RAF1: variants seen among roughly 807,000 people sequenced by gnomAD.
RAF1 encodes the protein RAF proto-oncogene serine/threonine-protein kinase.
Under a neutral mutation model 81.1 loss-of-function variants are expected in RAF1, and 27 were observed. The ratio of observed to expected loss-of-function variants is 0.33; its 90% CI spans 0.25 to 0.46. The LOEUF (loss-of-function observed/expected upper bound fraction) is 0.46, where lower values mean the gene tolerates loss of function less well. RAF1 is among the 20% of genes least tolerant of loss of function. The probability of loss-of-function intolerance (pLI) is 1.00; values close to 1 mark genes in which losing one functional copy is unlikely to be tolerated. For missense variants in RAF1, 598 were observed against 826.0 expected, an observed-to-expected ratio of 0.72 and a Z score of 3.38; for synonymous variants, 298 against 294.0, an observed-to-expected ratio of 1.01 and a Z score of -0.14.
intron 1 of RAF1, among the ~76,000 whole-genome samples, chr3:12,650,839 A>G (rs9809226): frequency 1 from 152,286 of 152,318 alleles, 76,127 homozygotes; most frequent in Middle Eastern, 1. Context: ...CTTAAGAAAC[A>G]TACTATAAGA....
chr3:12,631,083 G>A (rs2059845639), intron 1 of RAF1, among the ~76,000 whole-genome samples: 1 of 152,116 alleles, frequency 6.6e-6, no homozygotes, highest in African/African-American at 2.4e-5. Context: ...ACTTTGAGAG[G>A]TCAAGGTGGG....
At chr3:12,638,583 TCA>T (rs1307647461) in intron 1 of RAF1, among the ~76,000 whole-genome samples, 1 of 152,248 alleles carries the variant, frequency 6.6e-6, no homozygotes, top group African/African-American at 2.4e-5. Flanking sequence ...GGCATTCCCT[TCA>T]CAGTTGTTTT....
chr3:12,652,305 A>C (rs1460185230), intron 1 of RAF1, among the ~76,000 whole-genome samples: 1 of 151,382 alleles, frequency 6.6e-6, no homozygotes, highest in African/African-American at 2.4e-5. Context: ...GGCGGATCAT[A>C]AGGTCAGGAG....
chr3:12,648,162 C>G (rs1258549988), intron 1 of RAF1, among the ~76,000 whole-genome samples: 1 of 151,830 alleles, frequency 6.6e-6, no homozygotes, highest in Non-Finnish European at 1.5e-5. Flanking sequence ...TCAGCAACTG[C>G]TGATTTTTAA....
At chr3:12,641,098 C>A (rs553450689) in intron 1 of RAF1, among the ~76,000 whole-genome samples, 2 of 151,520 alleles carry the variant, frequency 1.3e-5, no homozygotes, top group Non-Finnish European at 2.9e-5. Context: ...TCATTCTGAG[C>A]AAACTATTGC....
At chr3:12,618,456 C>T (rs2059444850) in intron 2 of RAF1, 59 bp downstream of exon 2, 1 of 1,562,502 alleles carries the variant, frequency 6.4e-7, no homozygotes, top group African/African-American at 1.4e-5. Context: ...GAACATGATC[C>T]TTAATGTGCT....
At chr3:12,612,168 G>GCACA in intron 2 of RAF1, 106 bp from the exon 3 acceptor site, 1 of 837,756 alleles carries the variant, frequency 1.2e-6, no homozygotes. Context: ...GATGGCCCAC[G>GCACA]CACACACACA....
chr3:12,632,143 G>A (rs1256267863), intron 1 of RAF1, among the ~76,000 whole-genome samples: 1 of 148,968 alleles, frequency 6.7e-6, no homozygotes, highest in Non-Finnish European at 1.5e-5. Flanking sequence ...CTGGCCCATG[G>A]TGAAACCCTG....
At chr3:12,590,249 T>A (rs576646359) in intron 13 of RAF1, 1 of 164,486 alleles carries the variant, frequency 6.1e-6, no homozygotes, top group South Asian at 1.6e-4. Flanking sequence ...AGGTTTCTGA[T>A]AAAGCCAGGG....
chr3:12,600,005 C>A, intron 10 of RAF1, 147 bp downstream of exon 9: 2 of 1,392,426 alleles, frequency 1.4e-6, no homozygotes, highest in Non-Finnish European at 2.0e-6. Flanking sequence ...TGCAAGTGTG[C>A]CAAAAATGAC....
chr3:12,623,095 A>C (rs2059598014), intron 1 of RAF1, among the ~76,000 whole-genome samples: 1 of 152,186 alleles, frequency 6.6e-6, no homozygotes, highest in African/African-American at 2.4e-5. Flanking sequence ...ATATATTTTC[A>C]ATTGAGATGA....
At position 12,651,596 on chromosome 3, in the gene RAF1, G is replaced by A. The variant is rs535463526; in HGVS notation, c.-27+12217C>T. ...TTGCAGTGAGCTGAGATCGGTTGCC[G>A]TGAGCCGAGATCGCACCACTGCACC... On this transcript the variant is annotated intron_variant, in intron 1 of 17. Coordinates refer to ENST00000442415, the MANE Select transcript of RAF1 (RefSeq NM_001354689.3). Among the ~76,000 whole-genome samples the A allele has an allele frequency of 1.3e-3, 191 of 150,320 alleles. No individual in the cohort carries two copies. The East Asian group carries it at 0.028, about 22-fold the overall frequency.
intron 1 of RAF1, among the ~76,000 whole-genome samples, chr3:12,625,770 G>A (rs1185548220): frequency 6.6e-6 from 1 of 152,000 alleles, no homozygotes; most frequent in African/African-American, 2.4e-5. Context: ...TGTAGTGCAT[G>A]ACTGCACCTG....
intron 1 of RAF1, among the ~76,000 whole-genome samples, chr3:12,636,992 AGAT>A (rs2060051608): frequency 2.0e-5 from 3 of 152,144 alleles, no homozygotes; most frequent in Admixed American, 2.0e-4. Context: ...TCTAGGGTAA[AGAT>A]AATAATGGTA....
chr3:12,599,127 A>T (rs2058780715), intron 11 of RAF1: 1 of 155,050 alleles, frequency 6.4e-6, no homozygotes, highest in African/African-American at 2.4e-5. Context: ...CTTCCAAGTG[A>T]CAAAGTGTTT....
intron 7 of RAF1, chr3:12,603,653 A>G: frequency 1.8e-6 from 1 of 559,036 alleles, no homozygotes; most frequent in South Asian, 2.5e-5. Context: ...GACATAACCA[A>G]AAAGCCAAGA....
At chr3:12,619,966 C>T (rs2059504938) in intron 1 of RAF1, among the ~76,000 whole-genome samples, 2 of 151,982 alleles carry the variant, frequency 1.3e-5, no homozygotes, top group Non-Finnish European at 2.9e-5. Context: ...CCTGTAGTCC[C>T]AGCTACTCAG....
intron 1 of RAF1, among the ~76,000 whole-genome samples, chr3:12,642,549 A>T (rs1357307643): frequency 6.6e-6 from 1 of 151,800 alleles, no homozygotes; most frequent in East Asian, 1.9e-4. Flanking sequence ...AAACAGTAAG[A>T]TAAATAACAC....
chr3:12,641,994 A>C (rs1390891105), intron 1 of RAF1, among the ~76,000 whole-genome samples: 4 of 151,878 alleles, frequency 2.6e-5, no homozygotes, highest in Non-Finnish European at 5.9e-5. Context: ...AAAAACACAA[A>C]AAAATTAGCT....
Sources: allele counts gnomAD v4.1 joint callset (sites outside exome capture counted in the v4.1 genomes callset), GRCh38; gene constraint gnomAD v4.1.1; transcripts MANE v1.5; gene names NCBI Gene and HGNC (gene_info 2026-07-23, HGNC 2026-07-21).